Variants in GAREM2 observed in about 807,000 individuals in gnomAD.
The protein encoded by GAREM2 is GRB2-associated and regulator of MAPK protein 2.
In GAREM2, 30 loss-of-function variants were observed where a neutral mutation model predicts 55.6. The observed-to-expected ratio is 0.54, with a 90% CI of 0.40 to 0.73. The LOEUF (loss-of-function observed/expected upper bound fraction) is 0.73, where lower values mean the gene tolerates loss of function less well. Among genes scored for constraint, GAREM2 ranks in the 30% least tolerant of loss-of-function variants. The pLI, the probability that GAREM2 is intolerant of heterozygous loss-of-function variation, is 0.00. For missense variants in GAREM2, 1,075 were observed against 1,257.7 expected, an observed-to-expected ratio of 0.85 and a Z score of 2.20; for synonymous variants, 550 against 569.1, an observed-to-expected ratio of 0.97 and a Z score of 0.48.
chr2:26,201,337 C>A, the GAREM2 span: 1 of 1,570,242 alleles, frequency 6.4e-7, no homozygotes, highest in Non-Finnish European at 8.8e-7. Context: ...AAAACACATT[C>A]CTAGTTAGAT....
the GAREM2 span, chr2:26,195,246 C>T: frequency 2.5e-6 from 4 of 1,610,048 alleles, no homozygotes; most frequent in Admixed American, 1.7e-5. Context: ...GCAAGGGGAA[C>T]CAAAAGCCAA....
downstream of GAREM2, chr2:26,194,425 CAG>C (rs1395746424): frequency 2.0e-5 from 14 of 713,248 alleles, no homozygotes; most frequent in African/African-American, 6.9e-5. Flanking sequence ...GACTGCTGTG[CAG>C]AGAGAGGGCA....
At chr2:26,178,791 CGGTGGTGGTCTTGGAGG>C (rs904792898) in intron 2 of GAREM2, among the ~76,000 whole-genome samples, 1 of 140,760 alleles carries the variant, frequency 7.1e-6, no homozygotes, top group African/African-American at 2.7e-5. Flanking sequence ...TGCCTGTGTA[CGGTGGTGGTCTTGGAGG>C]GGTGGTGGTC....
At position 26,182,961 on chromosome 2, in the gene GAREM2, A is replaced by G. The variant is rs1244129220; in HGVS notation, c.254-6A>G. ...ACTCCAGCAACTTTTGTCACCCACT[A>G]TGCAGGGAAGTTCAAGCTCCTGGAA... On this transcript the variant is annotated splice_polypyrimidine_tract_variant and splice_region_variant and intron_variant, in intron 2 of 5. Coordinates refer to ENST00000401533, the MANE Select transcript of GAREM2 (RefSeq NM_001168241.2). 2 of 1,551,478 alleles carry G rather than the reference A, an allele frequency of 1.3e-6. No homozygotes were observed. Among genetic ancestry groups the G allele is most frequent in the East Asian group, 4.9e-5 (2 of 40,922 alleles).
intron 2 of GAREM2, among the ~76,000 whole-genome samples, chr2:26,177,213 A>C (rs1668891542): frequency 6.6e-6 from 1 of 152,130 alleles, no homozygotes; most frequent in Non-Finnish European, 1.5e-5. Flanking sequence ...GGCCAGATCC[A>C]GGTATCTCAA....
At position 26,173,102 on chromosome 2, in the gene GAREM2, G is replaced by A. The variant is rs1237988296; in HGVS notation, c.-119G>A. The A allele has an allele frequency of 6.2e-6, 1 of 161,470 alleles. No homozygotes were observed. Among genetic ancestry groups the A allele is most frequent in the Non-Finnish European group, 1.2e-5 (1 of 80,374 alleles). 10.0% of individuals were successfully genotyped at this position (161,470 alleles called of 1,614,324 possible). On this transcript the variant is annotated 5_prime_UTR_variant, in exon 1 of 6. Transcript: ENST00000401533. ...GGCCACGTGACGCCCGCGGCCCGGCGGGGCTGCCAGGCGGCGAGCGCCGCG... is the reference window on the plus strand; with the variant it reads ...GGCCACGTGACGCCCGCGGCCCGGCAGGGCTGCCAGGCGGCGAGCGCCGCG...
downstream of GAREM2, chr2:26,192,354 C>A: frequency 6.2e-7 from 1 of 1,609,848 alleles, no homozygotes. Context: ...AAATACTATC[C>A]ATGTCAGAAT....
chr2:26,175,245 T>G (rs771236480), intron 1 of GAREM2, among the ~76,000 whole-genome samples: 18 of 150,796 alleles, frequency 1.2e-4, no homozygotes, highest in Non-Finnish European at 2.1e-4. Context: ...CCCCACCAGC[T>G]GCAGCCCGGA....
chr2:26,191,590 C>A, downstream of GAREM2: 1 of 1,614,142 alleles, frequency 6.2e-7, no homozygotes, highest in Non-Finnish European at 8.5e-7. Context: ...ATTCACAAAT[C>A]TTGTCACCAG....
At chr2:26,194,422 G>T, downstream of GAREM2, 1 of 711,974 alleles carries the variant, frequency 1.4e-6, no homozygotes. Context: ...TCCGACTGCT[G>T]TGCAGAGAGA....
intron 2 of GAREM2, chr2:26,182,287 A>C (rs1350158657): frequency 1.4e-6 from 2 of 1,437,504 alleles, no homozygotes; most frequent in Non-Finnish European, 9.2e-7. Context: ...GGGAAGGCCT[A>C]CTCTCAGGGA....
intron 2 of GAREM2, 107 bp downstream of exon 2, chr2:26,176,591 G>T (rs1668874305): frequency 9.1e-7 from 1 of 1,094,114 alleles, no homozygotes; most frequent in African/African-American, 1.6e-5. Flanking sequence ...CGGTGATTAG[G>T]GTTAGGGTTG....
chr2:26,185,008 C>A lies in GAREM2; in HGVS notation c.1160C>A (p.Ala387Asp), dbSNP rs1322288831. Residue 387 changes from alanine (A) to aspartate (D), a missense_variant, in exon 4 of 6, where the codon GCC becomes GAC. Physicochemically the swap from Ala to Asp is moderately radical, Grantham distance 126. This residue lies in a region of GAREM2 where 515 missense variants were observed against 501.5 expected (regional missense o/e 1.03). Coordinates refer to ENST00000401533, the MANE Select transcript of GAREM2 (RefSeq NM_001168241.2). ...CGCCTCTGCCTGCCCGCGCCGCGCG[C>A]CCCCGGGCTCGCCCGCGCCCCCGGC... ...RARLCLPAPRAPGLARAPGPL... is the reference protein window; with the variant it reads ...RARLCLPAPRDPGLARAPGPL... The A allele has an allele frequency of 2.7e-6, 3 of 1,101,456 alleles. No homozygotes were observed. Among genetic ancestry groups the A allele is most frequent in the Non-Finnish European group, 2.2e-6 (2 of 905,762 alleles). 68.2% of individuals were successfully genotyped at this position (1,101,456 alleles called of 1,614,324 possible). A position where few individuals can be genotyped will look rare whatever the true frequency, so the allele number is the denominator to read the frequency against.
rs1175793808 is a variant in GAREM2 at position 26,186,224 on chromosome 2, A to T, written c.1464A>T (p.Pro488=). The T allele has an allele frequency of 1.3e-6, 2 of 1,542,328 alleles. No individual in the cohort carries two copies. The highest frequency in any genetic ancestry group is 1.8e-6 in the Non-Finnish European group (2 of 1,142,264). ...KEECRLLNAP[P]VPPRGGNGSG... ...AGTGCCGCCTGCTCAATGCCCCTCC[A>T]GTGCCTCCCCGGGGTGGCAATGGCA... The change falls in exon 5 of 6, where the codon CCA becomes CCT. Residue 488 remains proline (P), a synonymous_variant. Transcript: ENST00000401533.
rs1669106981 is a variant in GAREM2, at chr2:26,183,109, C to T, written c.384+12C>T. ...CCTTCAGCGTCAAGGTCAGTCACTC[C>T]CTCACCAGGTGTGGTGTCCCCACAC... On this transcript the variant is annotated intron_variant, in intron 3 of 5. Coordinates refer to ENST00000401533, the MANE Select transcript of GAREM2 (RefSeq NM_001168241.2). The T allele has an allele frequency of 6.4e-7, 1 of 1,551,518 alleles. No individual in the cohort carries two copies. Among genetic ancestry groups the T allele is most frequent in the East Asian group, 2.4e-5 (1 of 40,912 alleles).
At chr2:26,196,609 C>A in the GAREM2 span, among the ~76,000 whole-genome samples, 1 of 152,116 alleles carries the variant, frequency 6.6e-6, no homozygotes, top group Non-Finnish European at 1.5e-5. Context: ...TGCTCCCGGG[C>A]AAACCAAGAT....
intron 1 of GAREM2, among the ~76,000 whole-genome samples, chr2:26,173,635 C>T (rs375797306): frequency 7.2e-5 from 11 of 152,118 alleles, no homozygotes; most frequent in African/African-American, 9.6e-5. Context: ...TCGGTTGCCC[C>T]CCTTTCCCCC....
At chr2:26,178,128 C>T (rs768216175) in intron 2 of GAREM2, among the ~76,000 whole-genome samples, 1 of 152,152 alleles carries the variant, frequency 6.6e-6, no homozygotes, top group Admixed American at 6.5e-5. Context: ...ACTCCACCCC[C>T]CAAACCCTTA....
At position 26,173,345 on chromosome 2, in the gene GAREM2, C is replaced by A; in HGVS notation, c.112+13C>A. ...TGCCTTGGGCCAGGTACCGGGGTCGCTGGAGATGGGGACCGGGGTCCGCGG... is the reference window on the plus strand; with the variant it reads ...TGCCTTGGGCCAGGTACCGGGGTCGATGGAGATGGGGACCGGGGTCCGCGG... On this transcript the variant is annotated intron_variant, in intron 1 of 5. Transcript: ENST00000401533. 1.5e-6 allele frequency: 2 copies of A among 1,348,818 alleles called. No homozygotes were observed. The highest frequency in any genetic ancestry group is 1.9e-6 in the Non-Finnish European group (2 of 1,037,676). The allele number at this position is 1,348,818 out of a possible 1,614,324, so 83.6% of individuals were successfully genotyped here.
Sources: allele counts gnomAD v4.1 joint callset (sites outside exome capture counted in the v4.1 genomes callset), GRCh38; gene constraint gnomAD v4.1.1; regional missense constraint gnomAD v4.1.1; transcripts MANE v1.5; gene names NCBI Gene and HGNC (gene_info 2026-07-23, HGNC 2026-07-21).